DNA2: variants seen among roughly 807,000 people sequenced by gnomAD.
The protein encoded by DNA2 is DNA replication ATP-dependent helicase/nuclease DNA2.
In DNA2, 101 loss-of-function variants were observed where a neutral mutation model predicts 119.1. The observed-to-expected ratio is 0.85, with a 90% CI of 0.72 to 1.00. The LOEUF is 1.00. DNA2 is among the 50% of genes least tolerant of loss of function. The pLI, the probability that DNA2 is intolerant of heterozygous loss-of-function variation, is 0.00. For synonymous variants in DNA2, 366 were observed against 424.4 expected (o/e 0.86, Z 1.69); for missense variants, 1,121 against 1,255.5 (o/e 0.89, Z 1.62).
intron 2 of DNA2, among the ~76,000 whole-genome samples, chr10:68,469,229 T>G (rs1285682020): frequency 7.3e-6 from 1 of 136,694 alleles, no homozygotes; most frequent in Non-Finnish European, 1.6e-5. Flanking sequence ...AAAACTAACA[T>G]GTGTTTAAAC....
chr10:68,472,138 A>C (rs2133456334), upstream of DNA2: 1 of 1,405,652 alleles, frequency 7.1e-7, no homozygotes. Context: ...AAGCAGACTA[A>C]ACGCTCCTGC....
chr10:68,426,825 C>G (rs1287397767), intron 14 of DNA2, among the ~76,000 whole-genome samples: 1 of 151,492 alleles, frequency 6.6e-6, no homozygotes, highest in Non-Finnish European at 1.5e-5. Context: ...GGCGACAGAG[C>G]AAGACTCTGT....
chr10:68,446,368 C>T lies in DNA2; in HGVS notation c.985G>A (p.Glu329Lys). The change falls in exon 7 of 21, where the codon GAG becomes AAG. Residue 329 changes from glutamate (E) to lysine (K), a missense_variant. Glu to Lys is a moderately conservative substitution (Grantham distance 56, BLOSUM62 1). Coordinates refer to ENST00000358410, the MANE Select transcript of DNA2 (RefSeq NM_001080449.3). ...TTGAGGTAGAGAAGCAAGCCAGCCT[C>T]TGGATCAGCTCTTCTCTCTTGGCTT... ...LLSQERRADPEAGLLLYLKTG... is the reference protein window; with the variant it reads ...LLSQERRADPKAGLLLYLKTG... 6.3e-7 allele frequency: 1 copy of T among 1,598,288 alleles called. No individual in the cohort carries two copies. The highest frequency in any genetic ancestry group is 1.3e-5 in the African/African-American group (1 of 74,796).
rs2051897400 is a variant in DNA2 at position 68,437,019 on chromosome 10, TAAAC to T, written c.1634_1637del (p.Cys545TyrfsTer2). 6.2e-7 allele frequency: 1 copy of T among 1,607,652 alleles called. No homozygotes were observed. The highest frequency in any genetic ancestry group is 1.3e-5 in the African/African-American group (1 of 74,756). On this transcript the variant is annotated frameshift_variant, in exon 10 of 21. Coordinates refer to ENST00000358410, the MANE Select transcript of DNA2 (RefSeq NM_001080449.3). LOFTEE classifies it high-confidence loss of function. Reference sequence around the variant, plus strand: ...AAGTAACATTTCATTACCTGTCTAATAAACAAGTTACTGTTGTCATGTTAATCTC... The same window carrying T: ...AAGTAACATTTCATTACCTGTCTAATAAGTTACTGTTGTCATGTTAATCTC...
intron 14 of DNA2, among the ~76,000 whole-genome samples, chr10:68,429,210 C>T (rs139644608): frequency 7.1e-4 from 106 of 150,192 alleles, no homozygotes; most frequent in African/African-American, 2.5e-3. Flanking sequence ...ACTATAGCCG[C>T]GCCCATAATC....
At chr10:68,462,625 T>C (rs918855185) in intron 4 of DNA2, among the ~76,000 whole-genome samples, 2 of 152,138 alleles carry the variant, frequency 1.3e-5, no homozygotes, top group Non-Finnish European at 2.9e-5. Flanking sequence ...ATAACTACTC[T>C]AGGGTGGTAG....
rs112165086 is a variant in DNA2, at chr10:68,467,977, G to C, written c.441+146C>G. The C allele has an allele frequency of 2.1e-3, 1,201 of 585,124 alleles. 3 individuals are homozygous for C. Among genetic ancestry groups the C allele is most frequent in the Non-Finnish European group, 2.9e-3 (1,079 of 377,526 alleles). 36.2% of individuals were successfully genotyped at this position (585,124 alleles called of 1,614,324 possible). ...GGGGCAAGTCACTTCACCTCTCTGAGCCCATTTTCCTCATCTATAAAATGC... is the reference window on the plus strand; with the variant it reads ...GGGGCAAGTCACTTCACCTCTCTGACCCCATTTTCCTCATCTATAAAATGC... On this transcript the variant is annotated intron_variant, in intron 3 of 20. Coordinates refer to ENST00000358410, the MANE Select transcript of DNA2 (RefSeq NM_001080449.3).
chr10:68,430,940 C>G (rs1467971053), intron 13 of DNA2, among the ~76,000 whole-genome samples: 1 of 152,008 alleles, frequency 6.6e-6, no homozygotes, highest in African/African-American at 2.4e-5. Context: ...TCAAGACTTG[C>G]CTGGGCAACA....
chr10:68,417,728 G>A (rs1169832139), intron 19 of DNA2, among the ~76,000 whole-genome samples: 3 of 151,668 alleles, frequency 2.0e-5, no homozygotes, highest in Non-Finnish European at 4.4e-5. Flanking sequence ...ATATTAAACA[G>A]GCCTCAATTA....
intron 4 of DNA2, among the ~76,000 whole-genome samples, chr10:68,463,984 AT>A (rs2052294413): frequency 6.6e-6 from 1 of 152,178 alleles, no homozygotes; most frequent in Non-Finnish European, 1.5e-5. Flanking sequence ...AGAAGCTGAA[AT>A]TCCTCAAGCC....
chr10:68,462,552 T>C (rs1009401229), intron 4 of DNA2, among the ~76,000 whole-genome samples: 1 of 145,046 alleles, frequency 6.9e-6, no homozygotes, highest in Non-Finnish European at 1.5e-5. Flanking sequence ...ACTGCTGTTA[T>C]AAACTTACCC....
At chr10:68,415,885 C>T (rs1035745133) in intron 20 of DNA2, among the ~76,000 whole-genome samples, 5 of 151,374 alleles carry the variant, frequency 3.3e-5, no homozygotes, top group African/African-American at 1.2e-4. Flanking sequence ...ATCTCAACCT[C>T]GCAATCCACC....
Position 68,419,232 on chromosome 10 carries a change from A to C in DNA2, c.2788-19T>G. The C allele has an allele frequency of 1.3e-6, 2 of 1,492,674 alleles. No individual in the cohort carries two copies. Among genetic ancestry groups the C allele is most frequent in the Non-Finnish European group, 1.8e-6 (2 of 1,123,676 alleles). 92.5% of individuals were successfully genotyped at this position (1,492,674 alleles called of 1,614,324 possible). ...ATCCAGCCTAAATAGAAAAAGACACAATTTAAAAGAAAGAAATCCTGATTA... is the reference window on the plus strand; with the variant it reads ...ATCCAGCCTAAATAGAAAAAGACACCATTTAAAAGAAAGAAATCCTGATTA... On this transcript the variant is annotated intron_variant, in intron 18 of 20. Transcript: ENST00000358410.
intron 14 of DNA2, among the ~76,000 whole-genome samples, chr10:68,429,415 A>C (rs1386273531): frequency 6.6e-6 from 1 of 151,942 alleles, no homozygotes; most frequent in Non-Finnish European, 1.5e-5. Flanking sequence ...GTGGTCAGGC[A>C]TGCCTGTAAT....
intron 9 of DNA2, among the ~76,000 whole-genome samples, chr10:68,438,036 T>A (rs1445232864): frequency 6.6e-6 from 1 of 152,042 alleles, no homozygotes; most frequent in Non-Finnish European, 1.5e-5. Flanking sequence ...AATGAATTGC[T>A]CAACAATAGT....
At chr10:68,447,495 G>A (rs918203373) in intron 6 of DNA2, among the ~76,000 whole-genome samples, 2 of 140,864 alleles carry the variant, frequency 1.4e-5, no homozygotes, top group Admixed American at 1.4e-4. Context: ...CCAGCCTGGG[G>A]GACAGAAGGA....
intron 14 of DNA2, 30 bp downstream of exon 14, chr10:68,430,406 T>C (rs1245901659): frequency 6.9e-7 from 1 of 1,456,442 alleles, no homozygotes; most frequent in Non-Finnish European, 9.4e-7. Context: ...ACATTAACTG[T>C]TAGTATTATT....
chr10:68,442,727 C>T (rs1007311854), intron 9 of DNA2, among the ~76,000 whole-genome samples, 190 bp downstream of exon 9: 1 of 152,190 alleles, frequency 6.6e-6, no homozygotes, highest in Admixed American at 6.6e-5. Flanking sequence ...GCAATGATTG[C>T]AGCACATAGG....
At chr10:68,454,963 G>A (rs2052165317) in intron 5 of DNA2, among the ~76,000 whole-genome samples, 1 of 146,240 alleles carries the variant, frequency 6.8e-6, no homozygotes, top group Non-Finnish European at 1.5e-5. Context: ...TTTTGAGATG[G>A]AATCTTGCTC....
Sources: allele counts gnomAD v4.1 joint callset (sites outside exome capture counted in the v4.1 genomes callset), GRCh38; gene constraint gnomAD v4.1.1; transcripts MANE v1.5; gene names NCBI Gene and HGNC (gene_info 2026-07-23, HGNC 2026-07-21).